The following PVT1 variants were observed in gnomAD, a reference collection of about 807,000 sequenced individuals.
PVT1 encodes the protein Pvt1 oncogene.
At chr8:128,038,586 C>A (rs575429794) in intron 4 of PVT1, among the ~76,000 whole-genome samples, 8 of 152,294 alleles carry the variant, frequency 5.3e-5, no homozygotes, top group African/African-American at 1.9e-4. Flanking sequence ...CATATCCCAG[C>A]CCTGCCCTGA....
chr8:127,843,865 T>C (rs993638544), intron 2 of PVT1, among the ~76,000 whole-genome samples: 2 of 151,918 alleles, frequency 1.3e-5, no homozygotes, highest in African/African-American at 4.8e-5. Flanking sequence ...CTTTCCAGAG[T>C]GGCTGCTTGG....
intron 4 of PVT1, among the ~76,000 whole-genome samples, chr8:128,051,920 A>G (rs1813703031): frequency 6.6e-6 from 1 of 152,180 alleles, no homozygotes; most frequent in East Asian, 1.9e-4. Flanking sequence ...CAGACAATGT[A>G]TAGGTCTCAA....
intron 3 of PVT1, among the ~76,000 whole-genome samples, chr8:127,893,422 G>A (rs769463166): frequency 1.1e-4 from 16 of 152,200 alleles, no homozygotes; most frequent in Middle Eastern, 3.4e-3. Flanking sequence ...GACTACAGGC[G>A]TGCGCCACCA....
At chr8:127,962,841 C>T (rs1816660936) in intron 3 of PVT1, among the ~76,000 whole-genome samples, 2 of 152,120 alleles carry the variant, frequency 1.3e-5, no homozygotes, top group African/African-American at 4.8e-5. Context: ...AGGTGATCGC[C>T]CACCTCGGCC....
At chr8:128,038,398 C>A (rs905198381) in intron 4 of PVT1, among the ~76,000 whole-genome samples, 5 of 152,052 alleles carry the variant, frequency 3.3e-5, no homozygotes, top group Non-Finnish European at 7.4e-5. Context: ...GAGGTTGCCG[C>A]GGTGAACAGC....
intron 2 of PVT1, among the ~76,000 whole-genome samples, chr8:127,842,319 A>G (rs1814983503): frequency 6.6e-6 from 1 of 151,544 alleles, no homozygotes; most frequent in South Asian, 2.1e-4. Flanking sequence ...CAGAAGTACA[A>G]TCATATCTCA....
At chr8:127,919,189 A>G (rs1484282870) in intron 3 of PVT1, among the ~76,000 whole-genome samples, 4 of 152,062 alleles carry the variant, frequency 2.6e-5, no homozygotes, top group African/African-American at 9.7e-5. Context: ...TTATTTTCTA[A>G]TGTCACCTGC....
intron 3 of PVT1, among the ~76,000 whole-genome samples, chr8:127,963,285 C>G (rs1001619889): frequency 6.6e-6 from 1 of 152,196 alleles, no homozygotes; most frequent in Non-Finnish European, 1.5e-5. Context: ...CTGCCCTCTA[C>G]CTTGGATGGT....
intron 3 of PVT1, among the ~76,000 whole-genome samples, chr8:127,933,548 G>A (rs1816236869): frequency 6.6e-6 from 1 of 152,196 alleles, no homozygotes; most frequent in Admixed American, 6.5e-5. Context: ...GAGACCCTGT[G>A]CGTGAGATGT....
At chr8:127,954,657 T>A (rs1243857954) in intron 3 of PVT1, among the ~76,000 whole-genome samples, 1 of 152,038 alleles carries the variant, frequency 6.6e-6, no homozygotes, top group Non-Finnish European at 1.5e-5. Context: ...CAGGTGGGAG[T>A]TGCCTGCCTT....
intron 3 of PVT1, among the ~76,000 whole-genome samples, chr8:127,963,483 T>C (rs1026862610): frequency 3.9e-5 from 6 of 152,216 alleles, no homozygotes; most frequent in Non-Finnish European, 8.8e-5. Context: ...AGAAAAAGTG[T>C]GGCAGAAAAG....
intron 5 of PVT1, among the ~76,000 whole-genome samples, chr8:128,071,792 C>T (rs1813998460): frequency 6.6e-6 from 1 of 152,050 alleles, no homozygotes; most frequent in African/African-American, 2.4e-5. Flanking sequence ...GCCTGGGAAG[C>T]ATTTTATTTC....
At chr8:128,069,747 C>A (rs958779822) in intron 4 of PVT1, among the ~76,000 whole-genome samples, 1 of 152,174 alleles carries the variant, frequency 6.6e-6, no homozygotes, top group African/African-American at 2.4e-5. Context: ...AACTGAGGCA[C>A]TGTGATTTGC....
At chr8:127,856,549 C>G (rs1815162793) in intron 2 of PVT1, among the ~76,000 whole-genome samples, 1 of 152,060 alleles carries the variant, frequency 6.6e-6, no homozygotes, top group African/African-American at 2.4e-5. Context: ...CCATGTTGGT[C>G]AGGCTGGTCT....
At chr8:127,908,814 A>G (rs1327581589) in intron 3 of PVT1, among the ~76,000 whole-genome samples, 2 of 152,220 alleles carry the variant, frequency 1.3e-5, no homozygotes, top group South Asian at 2.1e-4. Context: ...CTATCGTAGC[A>G]GTAGGGTCCC....
At chr8:128,045,844 A>T (rs1813605971) in intron 4 of PVT1, among the ~76,000 whole-genome samples, 1 of 152,194 alleles carries the variant, frequency 6.6e-6, no homozygotes, top group South Asian at 2.1e-4. Context: ...CAGTTGTTCT[A>T]AGACTGGGTT....
At chr8:127,852,970 TGGTTGCTGAGAGAACAGACAA>T (rs1815120044) in intron 2 of PVT1, among the ~76,000 whole-genome samples, 2 of 152,070 alleles carry the variant, frequency 1.3e-5, no homozygotes, top group Admixed American at 1.3e-4. Context: ...GCTGGCATAG[TGGTTGCTGAGAGAACAGACAA>T]GGTTCTCTCT....
intron 3 of PVT1, among the ~76,000 whole-genome samples, chr8:127,917,543 A>G (rs1259040728): frequency 6.6e-6 from 1 of 152,248 alleles, no homozygotes; most frequent in Non-Finnish European, 1.5e-5. Flanking sequence ...TTTTAGCCAC[A>G]GTAATCTATG....
At chr8:127,831,153 C>A (rs374505577) in intron 2 of PVT1, among the ~76,000 whole-genome samples, 7,472 of 148,024 alleles carry the variant, frequency 0.05, 451 homozygotes, top group African/African-American at 0.16. Context: ...CTCTCTCTCT[C>A]TCTATATATA....
Sources: allele counts gnomAD v4.1 joint callset (sites outside exome capture counted in the v4.1 genomes callset), GRCh38; gene constraint gnomAD v4.1.1; transcripts MANE v1.5; gene names NCBI Gene and HGNC (gene_info 2026-07-23, HGNC 2026-07-21).